The following SLC16A7 variants were observed in gnomAD, a reference collection of about 807,000 sequenced individuals.
The protein encoded by SLC16A7 is monocarboxylate transporter 2.
SLC16A7 carries 33 observed loss-of-function variants against 34.9 expected under a neutral mutation model. That is an observed-to-expected ratio of 0.94 (90% CI 0.72 to 1.26). The LOEUF is 1.26. Ranked by LOEUF, SLC16A7 falls within the 50% of genes most tolerant of loss-of-function variation. The pLI is 0.00. For missense variants in SLC16A7, 573 were observed against 578.1 expected, an observed-to-expected ratio of 0.99 and a Z score of 0.09; for synonymous variants, 201 against 206.6, an observed-to-expected ratio of 0.97 and a Z score of 0.23.
intron 1 of SLC16A7, among the ~76,000 whole-genome samples, chr12:59,637,228 A>G: frequency 6.6e-6 from 1 of 152,128 alleles, no homozygotes; most frequent in East Asian, 1.9e-4. Context: ...TTAAATTTTT[A>G]AAAAGTACCT....
chr12:59,748,314 C>G (rs1449895738), intron 3 of SLC16A7, among the ~76,000 whole-genome samples: 1 of 152,110 alleles, frequency 6.6e-6, no homozygotes, highest in Non-Finnish European at 1.5e-5. Context: ...AACATAAGGA[C>G]ACGGTATAAA....
At chr12:59,701,541 G>T (rs1872880413) in intron 2 of SLC16A7, among the ~76,000 whole-genome samples, 1 of 151,466 alleles carries the variant, frequency 6.6e-6, no homozygotes, top group Non-Finnish European at 1.5e-5. Context: ...CTTTTAAAGG[G>T]TCTATAAGTT....
At chr12:59,615,789 T>A in intron 1 of SLC16A7, among the ~76,000 whole-genome samples, 1 of 152,240 alleles carries the variant, frequency 6.6e-6, no homozygotes, top group East Asian at 1.9e-4. Context: ...CAGTGTTTTC[T>A]GGACTTCACT....
intron 2 of SLC16A7, among the ~76,000 whole-genome samples, chr12:59,672,945 A>C (rs928956118): frequency 6.6e-6 from 1 of 152,178 alleles, no homozygotes; most frequent in African/African-American, 2.4e-5. Context: ...ACTTTATAGT[A>C]GTCCAAGGAC....
intron 1 of SLC16A7, among the ~76,000 whole-genome samples, chr12:59,650,367 G>T (rs1014906926): frequency 6.6e-6 from 1 of 152,110 alleles, no homozygotes; most frequent in African/African-American, 2.4e-5. Context: ...TATGGCTGAT[G>T]CATATCCATT....
At chr12:59,736,074 GT>G (rs1393713803) in intron 3 of SLC16A7, 5 of 233,150 alleles carry the variant, frequency 2.1e-5, no homozygotes, top group South Asian at 5.8e-5. Context: ...CCATACAACT[GT>G]GAGAGATTTA....
intron 3 of SLC16A7, among the ~76,000 whole-genome samples, chr12:59,737,073 A>G (rs114427323): frequency 3.7e-4 from 57 of 152,318 alleles, no homozygotes; most frequent in African/African-American, 1.3e-3. Flanking sequence ...CCGGCTCTCA[A>G]GACTCAGATA....
intron 3 of SLC16A7, among the ~76,000 whole-genome samples, chr12:59,752,918 T>C (rs1433717363): frequency 1.3e-5 from 2 of 151,326 alleles, no homozygotes; most frequent in East Asian, 3.9e-4. Flanking sequence ...CGGCAGAAAC[T>C]CTACAAGCCA....
chr12:59,774,147 T>C (rs1882505802), intron 4 of SLC16A7, among the ~76,000 whole-genome samples: 1 of 152,218 alleles, frequency 6.6e-6, no homozygotes, highest in Non-Finnish European at 1.5e-5. Context: ...TTGCATAGTA[T>C]TGAAACAAAT....
chr12:59,779,485 G>T lies in SLC16A7; in HGVS notation c.1243G>T (p.Val415Leu). Residue 415 changes from valine (V) to leucine (L), a missense_variant, in exon 6 of 6, where the codon GTA becomes TTA. By Grantham distance (32) the Val-to-Leu change is conservative (BLOSUM62 1). Coordinates refer to ENST00000547379, the MANE Select transcript of SLC16A7 (RefSeq NM_001270623.2). ...GTACATGTCCTGTGGGGCTATTGTG[G>T]TAGCAGCAAGCGTGTGGCTGCTCAT... The part of the protein sequence containing the change: ...YMYMSCGAIV[V>L]AASVWLLIGN... 1 of 1,610,492 alleles carries T rather than the reference G, an allele frequency of 6.2e-7. No individual in the cohort carries two copies. Among genetic ancestry groups the T allele is most frequent in the South Asian group, 1.1e-5 (1 of 90,974 alleles).
At chr12:59,731,760 G>C (rs1321843981) in intron 3 of SLC16A7, among the ~76,000 whole-genome samples, 5 of 152,116 alleles carry the variant, frequency 3.3e-5, no homozygotes, top group Admixed American at 3.3e-4. Context: ...ATGACTGAAT[G>C]CCTTTTAAAA....
At chr12:59,618,706 C>T (rs936019934) in intron 1 of SLC16A7, among the ~76,000 whole-genome samples, 1 of 151,846 alleles carries the variant, frequency 6.6e-6, no homozygotes, top group Admixed American at 6.6e-5. Context: ...AATAGTTGTT[C>T]TGGTAATAAA....
chr12:59,751,282 G>A (rs1001062426), intron 3 of SLC16A7, among the ~76,000 whole-genome samples: 3 of 152,242 alleles, frequency 2.0e-5, no homozygotes, highest in South Asian at 2.1e-4. Context: ...CACCGTGTGC[G>A]AGCCGAAGCA....
intron 2 of SLC16A7, among the ~76,000 whole-genome samples, chr12:59,703,600 G>C (rs547486237): frequency 6.6e-6 from 1 of 152,042 alleles, no homozygotes; most frequent in Non-Finnish European, 1.5e-5. Context: ...GTCTTATTTA[G>C]CTATTTTACT....
intron 3 of SLC16A7, chr12:59,768,305 G>A (rs1881885972): frequency 2.4e-6 from 1 of 411,806 alleles, no homozygotes; most frequent in Non-Finnish European, 4.9e-6. Flanking sequence ...GACTTTAAGA[G>A]GCTCAGGACT....
rs544685056 is a variant in SLC16A7, at chr12:59,708,742, T to C, written c.217+3724T>C. ...GGCCTGTGATGTCAGGACTGGAGTC[T>C]CTTGTAGTAATTAGTTGGTATCTGG... On this transcript the variant is annotated intron_variant, in intron 3 of 5. Coordinates refer to ENST00000547379, the MANE Select transcript of SLC16A7 (RefSeq NM_001270623.2). Among the ~76,000 whole-genome samples the C allele has an allele frequency of 5.1e-4, 78 of 151,728 alleles. 4 individuals are homozygous for C. The highest frequency in any genetic ancestry group is 1.9e-3 in the African/African-American group (78 of 41,048).
At chr12:59,740,187 T>G (rs936678309) in intron 3 of SLC16A7, among the ~76,000 whole-genome samples, 4 of 151,614 alleles carry the variant, frequency 2.6e-5, no homozygotes, top group African/African-American at 9.7e-5. Context: ...GGTCTAACGT[T>G]TAAGTCTTTA....
intron 4 of SLC16A7, among the ~76,000 whole-genome samples, chr12:59,772,086 C>T (rs1044516736): frequency 1.3e-5 from 2 of 152,084 alleles, no homozygotes; most frequent in South Asian, 2.1e-4. Context: ...TTATATTCAA[C>T]GTATTAGGAA....
intron 1 of SLC16A7, among the ~76,000 whole-genome samples, chr12:59,606,864 G>A (rs1878968887): frequency 6.6e-6 from 1 of 151,982 alleles, no homozygotes; most frequent in African/African-American, 2.4e-5. Flanking sequence ...ATATATATGT[G>A]TGTGTGTGAT....
Sources: gnomAD v4.1 joint callset for allele counts (sites outside exome capture counted in the v4.1 genomes callset) on GRCh38, gnomAD v4.1.1 for gene constraint, MANE v1.5 for transcripts, NCBI Gene and HGNC (gene_info 2026-07-23, HGNC 2026-07-21) for gene names.